NRXN1: variants seen among roughly 807,000 people sequenced by gnomAD.
NRXN1 encodes neurexin-1.
Under a neutral mutation model 150.9 loss-of-function variants are expected in NRXN1, and 39 were observed. That is an observed-to-expected ratio of 0.26 (90% confidence interval 0.20 to 0.34). The LOEUF is 0.34. Among genes scored for constraint, NRXN1 ranks in the 10% least tolerant of loss-of-function variants. The pLI, the probability that NRXN1 is intolerant of heterozygous loss-of-function variation, is 1.00. For missense variants in NRXN1, 1,815 were observed against 1,949.9 expected, an observed-to-expected ratio of 0.93 and a Z score of 1.30; for synonymous variants, 924 against 757.0, an observed-to-expected ratio of 1.22 and a Z score of -3.62.
intron 5 of NRXN1, among the ~76,000 whole-genome samples, chr2:50,716,011 G>A (rs538937328): frequency 8.5e-5 from 13 of 152,214 alleles, no homozygotes; most frequent in African/African-American, 2.2e-4. Context: ...ACATGAGTTA[G>A]ACCTTTCTAG....
At chr2:50,813,409 C>CTTCCT (rs2105778892) in intron 5 of NRXN1, among the ~76,000 whole-genome samples, 1 of 152,108 alleles carries the variant, frequency 6.6e-6, no homozygotes, top group South Asian at 2.1e-4. Context: ...CAGTTTCTAG[C>CTTCCT]TTCCTTTGGT....
intron 18 of NRXN1, among the ~76,000 whole-genome samples, chr2:50,216,595 C>T (rs1198316511): frequency 2.6e-5 from 4 of 151,812 alleles, no homozygotes; most frequent in South Asian, 2.1e-4. Flanking sequence ...GACATGCCAA[C>T]AGATAGAGTT....
chr2:50,531,894 G>A (rs943472395), intron 10 of NRXN1, among the ~76,000 whole-genome samples: 12 of 152,028 alleles, frequency 7.9e-5, no homozygotes, highest in Admixed American at 2.0e-4. Context: ...CCCCTAGGCT[G>A]GAGTGCAGTG....
intron 8 of NRXN1, among the ~76,000 whole-genome samples, chr2:50,610,193 T>C (rs1215051870): frequency 6.6e-6 from 1 of 152,164 alleles, no homozygotes; most frequent in African/African-American, 2.4e-5. Context: ...TTGTTTTGGA[T>C]GAACTTCAGA....
At chr2:50,177,774 A>ACTCTCTCTCTCT (rs72085403) in intron 18 of NRXN1, among the ~76,000 whole-genome samples, 2 of 131,186 alleles carry the variant, frequency 1.5e-5, no homozygotes, top group African/African-American at 5.7e-5. Context: ...TAACTAACTA[A>ACTCTCTCTCTCT]CTCTCTCTCT....
chr2:51,029,704 G>C (rs373967967), intron 1 of NRXN1, among the ~76,000 whole-genome samples: 8 of 152,188 alleles, frequency 5.3e-5, no homozygotes, highest in Non-Finnish European at 1.0e-4. Context: ...AAGGAATATT[G>C]ATGGTTTCTT....
At chr2:50,445,866 C>A (rs1025061652) in intron 17 of NRXN1, among the ~76,000 whole-genome samples, 1 of 152,118 alleles carries the variant, frequency 6.6e-6, no homozygotes, top group Admixed American at 6.6e-5. Flanking sequence ...GGACTAGGGA[C>A]ATCCCCTACT....
intron 22 of NRXN1, among the ~76,000 whole-genome samples, chr2:49,941,686 G>A (rs566907175): frequency 2.0e-5 from 3 of 152,186 alleles, no homozygotes; most frequent in East Asian, 1.9e-4. Context: ...AGTTTTCATC[G>A]CTGTATTAAT....
chr2:50,991,671 T>C (rs746820133), intron 2 of NRXN1, among the ~76,000 whole-genome samples: 3 of 151,942 alleles, frequency 2.0e-5, no homozygotes, highest in Non-Finnish European at 4.4e-5. Context: ...ACATGGAAAA[T>C]AGAACCAGAA....
intron 8 of NRXN1, among the ~76,000 whole-genome samples, chr2:50,613,990 TA>T (rs1300852047): frequency 1.3e-5 from 2 of 152,060 alleles, no homozygotes; most frequent in African/African-American, 4.8e-5. Flanking sequence ...ATATGGTAAG[TA>T]AAAATATGTG....
At chr2:49,975,902 G>T (rs1216128635) in intron 21 of NRXN1, among the ~76,000 whole-genome samples, 1 of 151,806 alleles carries the variant, frequency 6.6e-6, no homozygotes, top group Non-Finnish European at 1.5e-5. Flanking sequence ...TATATGAAGA[G>T]ATTTCTCAGA....
intron 17 of NRXN1, among the ~76,000 whole-genome samples, chr2:50,412,878 A>G (rs1454786292): frequency 2.0e-5 from 3 of 152,236 alleles, no homozygotes; most frequent in Admixed American, 2.0e-4. Context: ...TACAGGATCC[A>G]TATGCAGAAG....
chr2:50,484,764 A>G (rs2090744028), intron 15 of NRXN1, among the ~76,000 whole-genome samples: 1 of 152,246 alleles, frequency 6.6e-6, no homozygotes, highest in Non-Finnish European at 1.5e-5. Context: ...GGGAGAGAAG[A>G]GCATATAGAA....
At chr2:50,740,110 C>T (rs375970242) in intron 5 of NRXN1, among the ~76,000 whole-genome samples, 1 of 152,202 alleles carries the variant, frequency 6.6e-6, no homozygotes, top group East Asian at 1.9e-4. Flanking sequence ...AAAAATTGTG[C>T]TATTGTTCCA....
chr2:50,925,948 G>A lies in NRXN1; in HGVS notation c.780C>T (p.Asn260=). ...GTAGAAAGCACCCACCTTCCACATT[G>A]TTGTCTTCTGAAAGCACATGACAAG... ...FRGKDCSQED[N]NVEGLAHLMM... is the part of the protein sequence containing the mutation. The change falls in exon 3 of 23, where the codon AAC becomes AAT. Residue 260 remains asparagine (N), a synonymous_variant. Transcript: ENST00000401669. 6.4e-7 allele frequency: 1 copy of A among 1,574,378 alleles called. No individual in the cohort carries two copies.
chr2:50,509,216 G>A (rs573313383), intron 12 of NRXN1, among the ~76,000 whole-genome samples: 1 of 152,284 alleles, frequency 6.6e-6, no homozygotes, highest in East Asian at 1.9e-4. Context: ...ATTCAGCCTC[G>A]TAGTTATGAG....
chr2:50,971,303 G>A (rs1193367080), intron 2 of NRXN1, among the ~76,000 whole-genome samples: 2 of 152,128 alleles, frequency 1.3e-5, no homozygotes, highest in Middle Eastern at 3.2e-3. Flanking sequence ...AACAATAACA[G>A]GCCGGGCGTG....
rs1160488764 is a variant in NRXN1, at chr2:50,346,008, G to C, written c.3365-109038C>G. ...AGAAAAAGACATATATTTATGTGCA[G>C]AGTGGATGGAAGGGGAATGGTGTCC... is the stretch of plus-strand genomic sequence containing the variant. On this transcript the variant is annotated intron_variant, in intron 17 of 22. Transcript: ENST00000401669. This position sits in a 1 kb window ranked among gnomAD's most constrained non-coding sequence, Gnocchi z 5.0. Among the ~76,000 whole-genome samples the C allele has an allele frequency of 6.6e-6, 1 of 152,246 alleles. No individual in the cohort carries two copies. The highest frequency in any genetic ancestry group is 1.5e-5 in the Non-Finnish European group (1 of 68,048).
At chr2:50,945,981 C>A (rs1690313665) in intron 2 of NRXN1, among the ~76,000 whole-genome samples, 1 of 150,388 alleles carries the variant, frequency 6.6e-6, no homozygotes, top group Admixed American at 6.7e-5. Flanking sequence ...ATCTTTTCAG[C>A]TCTATGTTTT....
Sources: allele counts gnomAD v4.1 joint callset (sites outside exome capture counted in the v4.1 genomes callset), GRCh38; gene constraint gnomAD v4.1.1; non-coding constraint Gnocchi (gnomAD v3.1); transcripts MANE v1.5; gene names NCBI Gene and HGNC (gene_info 2026-07-23, HGNC 2026-07-21).